The following ARID3A variants were observed in gnomAD, a reference collection of about 807,000 sequenced individuals.
The protein encoded by ARID3A is AT-rich interactive domain-containing protein 3A.
Under a neutral mutation model 52.7 loss-of-function variants are expected in ARID3A, and 11 were observed. The observed-to-expected ratio is 0.21, with a 90% confidence interval of 0.13 to 0.35. ARID3A has a LOEUF of 0.35. ARID3A is among the 10% of genes least tolerant of loss of function. The pLI, the probability that ARID3A is intolerant of heterozygous loss-of-function variation, is 1.00. For missense variants in ARID3A, 721 were observed against 838.5 expected (o/e 0.86, Z 1.73); for synonymous variants, 404 against 359.4 (o/e 1.12, Z -1.40).
At chr19:958,288 G>T (rs1267231763) in intron 3 of ARID3A, 1 of 151,192 alleles carries the variant, frequency 6.6e-6, no homozygotes, top group Admixed American at 6.6e-5. Flanking sequence ...TTAGCCGGGC[G>T]TGGTGGCGGG....
chr19:967,094 C>T (rs1223817461), intron 7 of ARID3A, among the ~76,000 whole-genome samples: 1 of 151,960 alleles, frequency 6.6e-6, no homozygotes, highest in Non-Finnish European at 1.5e-5. Flanking sequence ...TCCATCTCTA[C>T]TAAAAATACA....
chr19:927,698 T>TGGGGGGGGGGGGG (rs1335045197), intron 1 of ARID3A, among the ~76,000 whole-genome samples: 1 of 19,310 alleles, frequency 5.2e-5, no homozygotes, highest in African/African-American at 2.0e-4. Flanking sequence ...GTTGGGTGGG[T>TGGGGGGGGGGGGG]GGGGGGTGAC....
rs1461612468 is a variant in ARID3A at position 929,783 on chromosome 19, C to A, written c.255C>A (p.Pro85=). 7.7e-6 allele frequency: 12 copies of A among 1,550,368 alleles called. No individual in the cohort carries two copies. Among genetic ancestry groups the A allele is most frequent in the African/African-American group, 1.4e-5 (1 of 73,656 alleles). ...PASPGGSEDG[P]PGSEEEDAAR... ...GCCCCGGCGGCTCTGAGGATGGGCC[C>A]CCAGGCTCGGAGGAGGAGGACGCGG... is the stretch of plus-strand genomic sequence containing the variant. Residue 85 remains proline (P), a synonymous_variant, in exon 2 of 9, where the codon CCC becomes CCA. Transcript: ENST00000263620. The surrounding 1 kb of genome is among the most constrained non-coding windows in gnomAD (Gnocchi z 6.2).
chr19:966,897 G>A (rs2038169836), intron 7 of ARID3A, 29 bp downstream of exon 7: 3 of 1,573,144 alleles, frequency 1.9e-6, no homozygotes, highest in South Asian at 1.2e-5. Context: ...GACCCGCTGT[G>A]CTTCCTGCGT....
intron 3 of ARID3A, among the ~76,000 whole-genome samples, chr19:948,884 A>AC (rs1350637855): frequency 1.3e-5 from 2 of 151,480 alleles, no homozygotes; most frequent in Non-Finnish European, 1.5e-5. Flanking sequence ...TAATTTTTGT[A>AC]TTTTAGTAGA....
chr19:951,283 G>T (rs574158168), intron 3 of ARID3A, among the ~76,000 whole-genome samples: 6 of 151,508 alleles, frequency 4.0e-5, no homozygotes, highest in African/African-American at 1.2e-4. Flanking sequence ...AAGGCCAGGC[G>T]CGGTGGCTCA....
At position 932,715 on chromosome 19, in the gene ARID3A, C is replaced by T. The variant is rs2037359781; in HGVS notation, c.666C>T (p.Asp222=). ...APQLQPPDHG[D]WTYEEQFKQL... ...AGCTGCAGCCGCCTGACCACGGCGA[C>T]TGGACTTACGAGGAGCAGTTTAAGC... The change falls in exon 3 of 9, where the codon GAC becomes GAT. Residue 222 remains aspartate, a synonymous_variant. Coordinates refer to ENST00000263620, the MANE Select transcript of ARID3A (RefSeq NM_005224.3). The T allele has an allele frequency of 4.5e-6, 7 of 1,547,326 alleles. No individual in the cohort carries two copies. The highest frequency in any genetic ancestry group is 6.1e-6 in the Non-Finnish European group (7 of 1,146,428).
rs369884232 is a variant in ARID3A, at chr19:966,775, G to A, written c.1402G>A (p.Asp468Asn). 17 of 1,613,418 alleles carry A rather than the reference G, an allele frequency of 1.1e-5. No homozygotes were observed. The highest frequency in any genetic ancestry group is 4.4e-5 in the South Asian group (4 of 91,072). ...GGAGAAGAAGATGGCCCTGGTGGCC[G>A]ATGAGCAGCAACGGCTGATGCAACG... The part of the protein sequence containing the change: ...PPEKKMALVA[D>N]EQQRLMQRAL... The change falls in exon 7 of 9, where the codon GAT (aspartate) becomes AAT (asparagine). Residue 468 changes from aspartate (D) to asparagine (N), a missense_variant. Coordinates refer to ENST00000263620, the MANE Select transcript of ARID3A (RefSeq NM_005224.3).
At position 947,964 on chromosome 19, in the gene ARID3A, C is replaced by G. The variant is rs552287590; in HGVS notation, c.694-12128C>G. Among the ~76,000 whole-genome samples, 2 of 152,190 alleles carry G rather than the reference C, an allele frequency of 1.3e-5. No homozygotes were observed. The highest frequency in any genetic ancestry group is 6.5e-5 in the Admixed American group (1 of 15,282). On this transcript the variant is annotated intron_variant, in intron 3 of 8. Transcript: ENST00000263620. This position sits in a 1 kb window ranked among gnomAD's most constrained non-coding sequence, Gnocchi z 6.3. ...GGCTTAGGCAGGCGGGGGAGCCCCC[C>G]GGCTGGTCAGGTGCACGAGGAGCAA... is the stretch of plus-strand genomic sequence containing the variant.
At chr19:958,765 C>T (rs2037977956) in intron 3 of ARID3A, among the ~76,000 whole-genome samples, 1 of 151,952 alleles carries the variant, frequency 6.6e-6, no homozygotes, top group Admixed American at 6.6e-5. Flanking sequence ...TGGTGGCGGG[C>T]GCCTGTAGTC....
chr19:935,620 G>A (rs547864309), intron 3 of ARID3A, among the ~76,000 whole-genome samples: 1 of 152,246 alleles, frequency 6.6e-6, no homozygotes, highest in African/African-American at 2.4e-5. Context: ...TGCGAGTACA[G>A]ACGGGCGCCA....
intron 2 of ARID3A, among the ~76,000 whole-genome samples, chr19:931,765 A>G (rs1375507917): frequency 6.8e-6 from 1 of 146,546 alleles, no homozygotes; most frequent in Non-Finnish European, 1.5e-5. Flanking sequence ...GTGAGCCGAG[A>G]TTGCGCCGTT....
intron 3 of ARID3A, 26 bp downstream of exon 3, chr19:932,768 G>T: frequency 6.5e-7 from 1 of 1,545,876 alleles, no homozygotes; most frequent in Non-Finnish European, 8.7e-7. Context: ...CCGCGTGGCG[G>T]CTGAGGCACC....
At chr19:961,353 G>A (rs1034266205) in intron 4 of ARID3A, among the ~76,000 whole-genome samples, 2 of 152,208 alleles carry the variant, frequency 1.3e-5, no homozygotes, top group African/African-American at 2.4e-5. Flanking sequence ...AGCGGCCTCC[G>A]AGTTAACCCC....
rs1331158530 is a variant in ARID3A, at chr19:941,898, C to T, written c.693+9156C>T. 6.6e-6 allele frequency among the ~76,000 whole-genome samples: 1 copy of T among 151,952 alleles called. No individual in the cohort carries two copies. The highest frequency in any genetic ancestry group is 2.4e-5 in the African/African-American group (1 of 41,344). On this transcript the variant is annotated intron_variant, in intron 3 of 8. Transcript: ENST00000263620. This position sits in a 1 kb window ranked among gnomAD's most constrained non-coding sequence, Gnocchi z 6.9. ...TGCCTGCTTGGGCTCGCCACGTGTGCGCACGTGTGCCCGTGACAGACGACC... is the reference window on the plus strand; with the variant it reads ...TGCCTGCTTGGGCTCGCCACGTGTGTGCACGTGTGCCCGTGACAGACGACC...
Position 929,964 on chromosome 19 carries a change from T to A in ARID3A, c.368+68T>A. 6.6e-7 allele frequency: 1 copy of A among 1,524,182 alleles called. No individual in the cohort carries two copies. The highest frequency in any genetic ancestry group is 1.2e-5 in the South Asian group (1 of 83,192). The allele number at this position is 1,524,182 out of a possible 1,614,324, so 94.4% of individuals were successfully genotyped here. Reference sequence around the variant, plus strand: ...GGCTCTGAGTGTCACTCTGCTCATCTGCAGAATGGGAGTAAGGGTCAGGTC... The same window carrying A: ...GGCTCTGAGTGTCACTCTGCTCATCAGCAGAATGGGAGTAAGGGTCAGGTC... On this transcript the variant is annotated intron_variant, in intron 2 of 8. Transcript: ENST00000263620. The surrounding 1 kb of genome is among the most constrained non-coding windows in gnomAD (Gnocchi z 6.2).
chr19:963,716 G>C (rs1338959673), intron 4 of ARID3A, among the ~76,000 whole-genome samples: 1 of 152,096 alleles, frequency 6.6e-6, no homozygotes, highest in Non-Finnish European at 1.5e-5. Flanking sequence ...CTCCTCCTGG[G>C]CTAGCCCAAC....
chr19:952,012 G>A (rs969872874), intron 3 of ARID3A, among the ~76,000 whole-genome samples: 21 of 152,184 alleles, frequency 1.4e-4, no homozygotes, highest in Admixed American at 5.2e-4. Flanking sequence ...GTGGTGGCAC[G>A]TGCCGGTAAT....
intron 6 of ARID3A, 38 bp downstream of exon 6, chr19:965,118 T>TG: frequency 6.4e-7 from 1 of 1,553,098 alleles, no homozygotes; most frequent in Non-Finnish European, 8.7e-7. Flanking sequence ...TGTTCCCAAC[T>TG]GAGCTTCAGC....
Sources: gnomAD v4.1 joint callset for allele counts (sites outside exome capture counted in the v4.1 genomes callset) on GRCh38, gnomAD v4.1.1 for gene constraint, Gnocchi (gnomAD v3.1) non-coding constraint, MANE v1.5 for transcripts, NCBI Gene and HGNC (gene_info 2026-07-23, HGNC 2026-07-21) for gene names.